Variants in OPRM1 observed in about 807,000 individuals in gnomAD.
OPRM1 encodes mu-type opioid receptor.
In OPRM1, 27 loss-of-function variants were observed where a neutral mutation model predicts 31.8. The observed-to-expected ratio is 0.85, with a 90% CI of 0.63 to 1.17. The LOEUF (loss-of-function observed/expected upper bound fraction) is 1.17. Among genes scored for constraint, OPRM1 ranks in the 50% most tolerant of loss-of-function variants. The pLI, the probability that OPRM1 is intolerant of heterozygous loss-of-function variation, is 0.00. For synonymous variants in OPRM1, 196 were observed against 189.9 expected, an observed-to-expected ratio of 1.03 and a Z score of -0.26; for missense variants, 536 against 511.1, an observed-to-expected ratio of 1.05 and a Z score of -0.47.
At chr6:154,050,897 C>T (rs555084677) in intron 1 of OPRM1, among the ~76,000 whole-genome samples, 1 of 151,716 alleles carries the variant, frequency 6.6e-6, no homozygotes, top group Non-Finnish European at 1.5e-5. Flanking sequence ...TACTACATAG[C>T]CACAAAAAAC....
At chr6:154,199,543 C>T (rs1464131870) in intron 3 of OPRM1, 2 of 1,142,558 alleles carry the variant, frequency 1.8e-6, no homozygotes, top group African/African-American at 1.6e-5. Context: ...GGGCATAGCC[C>T]CACTTGACTA....
Position 154,091,224 on chromosome 6 carries a change from G to A in OPRM1, c.916G>A (p.Ala306Thr), listed in dbSNP as rs1583486694. The change falls in exon 3 of 4, where the codon GCC becomes ACC. Residue 306 changes from alanine to threonine, a missense_variant. By Grantham distance (58) the Ala-to-Thr change is moderately conservative (BLOSUM62 0). Transcript: ENST00000330432. ...TPIHIYVIIK[A>T]LVTIPETTFQ... The stretch of plus-strand genomic sequence containing the variant: ...CATTCACATTTACGTCATCATTAAA[G>A]CCTTGGTTACAATCCCAGAAACTAC... 1 of 1,614,074 alleles carries A rather than the reference G, an allele frequency of 6.2e-7. No homozygotes were observed. Among genetic ancestry groups the A allele is most frequent in the South Asian group, 1.1e-5 (1 of 91,090 alleles).
chr6:154,179,149 G>C (rs574926036), intron 3 of OPRM1, among the ~76,000 whole-genome samples: 3 of 152,092 alleles, frequency 2.0e-5, no homozygotes, highest in Non-Finnish European at 4.4e-5. Context: ...TGATAAGTAG[G>C]ATCACAGGAC....
At position 154,127,573 on chromosome 6, in the gene OPRM1, A is replaced by G. The variant is rs1382812345; in HGVS notation, c.*8852A>G. Among the ~76,000 whole-genome samples the G allele has an allele frequency of 1.3e-5, 2 of 152,196 alleles. No individual in the cohort carries two copies. The highest frequency in any genetic ancestry group is 4.8e-5 in the African/African-American group (2 of 41,444). On this transcript the variant is annotated 3_prime_UTR_variant, in exon 4 of 4. Coordinates refer to ENST00000330432, the MANE Select transcript of OPRM1 (RefSeq NM_000914.5). ...AGGTCCACACCACCAATTGAGATGT[A>G]CCTGTGCTCATGACTTGACATTGTG...
intron 1 of OPRM1, among the ~76,000 whole-genome samples, chr6:154,089,471 C>G (rs1164840992): frequency 6.6e-6 from 1 of 151,446 alleles, no homozygotes; most frequent in Non-Finnish European, 1.5e-5. Flanking sequence ...ACCTGGGATC[C>G]CAGTTATTCA....
chr6:154,012,169 G>A lies in OPRM1; in HGVS notation c.-1+1151G>A, dbSNP rs571194605. ...AAATAATAGAAGTGTAACAAGCTACGATTTTTAATAGCTGTGTTTTAATAG... is the reference window on the plus strand; with the variant it reads ...AAATAATAGAAGTGTAACAAGCTACAATTTTTAATAGCTGTGTTTTAATAG... On this transcript the variant is annotated intron_variant, in intron 1 of 5. Coordinates refer to the OPRM1 transcript ENST00000434900. Among the ~76,000 whole-genome samples, 23 of 152,268 alleles carry A rather than the reference G, an allele frequency of 1.5e-4. 1 individual carries two copies. In the South Asian group the frequency reaches 3.1e-3, roughly 21 times the overall value.
intron 3 of OPRM1, among the ~76,000 whole-genome samples, chr6:154,226,253 T>C (rs911367691): frequency 1.3e-5 from 2 of 152,124 alleles, no homozygotes; most frequent in African/African-American, 4.8e-5. Context: ...TCCACATATA[T>C]CCAAAATCCA....
intron 1 of OPRM1, among the ~76,000 whole-genome samples, chr6:154,014,228 G>C (rs1466099013): frequency 6.6e-6 from 1 of 152,182 alleles, no homozygotes; most frequent in Non-Finnish European, 1.5e-5. Flanking sequence ...AAGTGTGGTA[G>C]AAATGGTCAC....
At chr6:154,077,054 C>T (rs546086287) in intron 1 of OPRM1, among the ~76,000 whole-genome samples, 1 of 152,246 alleles carries the variant, frequency 6.6e-6, no homozygotes, top group South Asian at 2.1e-4. Flanking sequence ...AATAGATCTA[C>T]AAGCCTTTTC....
intron 1 of OPRM1, among the ~76,000 whole-genome samples, chr6:154,068,224 G>A (rs1785874270): frequency 6.6e-6 from 1 of 152,092 alleles, no homozygotes; most frequent in Non-Finnish European, 1.5e-5. Flanking sequence ...CTTCTGTAAT[G>A]AAAACACAAC....
intron 3 of OPRM1, among the ~76,000 whole-genome samples, chr6:154,206,052 A>G (rs1777467311): frequency 6.6e-6 from 1 of 152,174 alleles, no homozygotes; most frequent in African/African-American, 2.4e-5. Flanking sequence ...TTTATTCTCA[A>G]AAGCTCTTCA....
intron 3 of OPRM1, among the ~76,000 whole-genome samples, chr6:154,165,394 C>T (rs1222496081): frequency 6.6e-6 from 1 of 152,302 alleles, no homozygotes; most frequent in South Asian, 2.1e-4. Flanking sequence ...CATGAACATG[C>T]ACACATGTAC....
At chr6:154,234,608 G>A (rs964572412) in intron 3 of OPRM1, among the ~76,000 whole-genome samples, 9 of 152,198 alleles carry the variant, frequency 5.9e-5, no homozygotes, top group East Asian at 1.9e-4. Context: ...ATCACATTAC[G>A]TCATATTTAG....
chr6:154,195,498 TG>T (rs1342095148), intron 3 of OPRM1, among the ~76,000 whole-genome samples: 1 of 152,092 alleles, frequency 6.6e-6, no homozygotes, highest in Admixed American at 6.6e-5. Flanking sequence ...TGATGAGAAA[TG>T]GTCATCCATT....
At chr6:154,107,940 AT>A in intron 3 of OPRM1, 1 of 537,844 alleles carries the variant, frequency 1.9e-6, no homozygotes, top group Admixed American at 3.9e-5. Flanking sequence ...TACAGAGGAG[AT>A]AAACACTGAT....
At chr6:154,240,839 T>A (rs1442765514) in intron 3 of OPRM1, among the ~76,000 whole-genome samples, 1 of 152,204 alleles carries the variant, frequency 6.6e-6, no homozygotes, top group African/African-American at 2.4e-5. Flanking sequence ...CAATCACAAT[T>A]GTACAGACAT....
downstream of OPRM1, among the ~76,000 whole-genome samples, chr6:154,133,519 A>G (rs1797983669): frequency 6.6e-6 from 1 of 152,244 alleles, no homozygotes; most frequent in Non-Finnish European, 1.5e-5. Flanking sequence ...ATATGCATGC[A>G]TTTGTCTGGA....
At chr6:154,051,623 A>G (rs189791258) in intron 1 of OPRM1, among the ~76,000 whole-genome samples, 85 of 152,338 alleles carry the variant, frequency 5.6e-4, no homozygotes, top group African/African-American at 1.8e-3. Context: ...CAAAACTACA[A>G]TGAGAACCAT....
chr6:154,144,725 G>A (rs1311517415), intron 3 of OPRM1, among the ~76,000 whole-genome samples: 4 of 120,790 alleles, frequency 3.3e-5, no homozygotes, highest in African/African-American at 1.3e-4. Context: ...TCCAGCCTGA[G>A]CAACAAGAGC....
Sources: allele counts gnomAD v4.1 joint callset (sites outside exome capture counted in the v4.1 genomes callset), GRCh38; gene constraint gnomAD v4.1.1; transcripts MANE v1.5; gene names NCBI Gene and HGNC (gene_info 2026-07-23, HGNC 2026-07-21).